The following C2orf49 variants were observed in gnomAD, a reference collection of about 807,000 sequenced individuals.
C2orf49 encodes tRNA splicing ligase complex subunit 2.
A neutral mutation model predicts 20.6 loss-of-function variants in C2orf49; 11 were observed. The ratio of observed to expected loss-of-function variants is 0.53; its 90% CI spans 0.34 to 0.88. The LOEUF (loss-of-function observed/expected upper bound fraction) is 0.88, where lower values mean the gene tolerates loss of function less well. Ranked by LOEUF, C2orf49 falls within the 40% of genes least tolerant of loss-of-function variation. The pLI, the probability that C2orf49 is intolerant of heterozygous loss-of-function variation, is 0.02. For missense variants in C2orf49, 289 were observed against 274.2 expected, an observed-to-expected ratio of 1.05 and a Z score of -0.38; for synonymous variants, 134 against 108.5, an observed-to-expected ratio of 1.24 and a Z score of -1.46.
chr2:105,367,209 A>T, the C2orf49 span, among the ~76,000 whole-genome samples: 1 of 151,822 alleles, frequency 6.6e-6, no homozygotes, highest in African/African-American at 2.4e-5. Context: ...TCTCCCTCTC[A>T]AGTTTGCAGT....
At chr2:105,367,260 A>G in the C2orf49 span, among the ~76,000 whole-genome samples, 1 of 152,202 alleles carries the variant, frequency 6.6e-6, no homozygotes, top group African/African-American at 2.4e-5. Flanking sequence ...TGAACAAGAC[A>G]GCTTTGGGAT....
chr2:105,358,530 G>A, the C2orf49 span: 1 of 152,346 alleles, frequency 6.6e-6, no homozygotes, highest in Admixed American at 6.5e-5. Flanking sequence ...AATAGAGTTT[G>A]TCACATGAAG....
the C2orf49 span, among the ~76,000 whole-genome samples, chr2:105,355,295 T>C: frequency 1.3e-5 from 2 of 152,104 alleles, no homozygotes; most frequent in African/African-American, 4.8e-5. Context: ...GTAGCTAAGA[T>C]TTACATCCCC....
At chr2:105,370,217 A>ACC in the C2orf49 span, among the ~76,000 whole-genome samples, 12 of 151,040 alleles carry the variant, frequency 7.9e-5, no homozygotes, top group Admixed American at 4.6e-4. Context: ...TACCCCCCCA[A>ACC]AAAAAAAATT....
chr2:105,365,674 C>CCA, the C2orf49 span, among the ~76,000 whole-genome samples: 84 of 71,646 alleles, frequency 1.2e-3, 1 homozygote, highest in East Asian at 3.8e-3. Flanking sequence ...GTCTCTACTA[C>CCA]AAAAAAAAAA....
At chr2:105,377,991 C>A in the C2orf49 span, 1 of 461,054 alleles carries the variant, frequency 2.2e-6, no homozygotes, top group African/African-American at 2.0e-5. Context: ...CCTTTTGGGA[C>A]TGACCTTCAA....
chr2:105,360,301 C>CAA, the C2orf49 span: 3,076 of 101,014 alleles, frequency 0.03, 111 homozygotes, highest in African/African-American at 0.081. Context: ...GACTCTGTCT[C>CAA]AAAAAAAAAA....
At chr2:105,350,111 G>A (rs531765563), downstream of C2orf49, among the ~76,000 whole-genome samples, 1 of 152,240 alleles carries the variant, frequency 6.6e-6, no homozygotes, top group South Asian at 2.1e-4. Flanking sequence ...TCTAGCTGCC[G>A]GCTGACTAAA....
At chr2:105,353,333 G>A (rs564490927), downstream of C2orf49, among the ~76,000 whole-genome samples, 1 of 152,274 alleles carries the variant, frequency 6.6e-6, no homozygotes, top group Non-Finnish European at 1.5e-5. Context: ...AACGTAGTGA[G>A]TAAAATGCAT....
chr2:105,363,438 G>C, the C2orf49 span: 2 of 1,611,884 alleles, frequency 1.2e-6, no homozygotes, highest in Non-Finnish European at 8.5e-7. Flanking sequence ...TGCCAGGGCT[G>C]CTCCCGGTAA....
At chr2:105,371,480 C>A in the C2orf49 span, among the ~76,000 whole-genome samples, 1,864 of 151,992 alleles carry the variant, frequency 0.012, 49 homozygotes, top group African/African-American at 0.043. Flanking sequence ...GAGCCTCCAG[C>A]CTGCTGCCCT....
the C2orf49 span, among the ~76,000 whole-genome samples, chr2:105,385,630 C>T: frequency 2.6e-5 from 4 of 152,140 alleles, no homozygotes; most frequent in Non-Finnish European, 4.4e-5. Flanking sequence ...TTTTAGAAGC[C>T]GTTTGCGGGT....
At chr2:105,374,781 A>T in the C2orf49 span, among the ~76,000 whole-genome samples, 4 of 152,232 alleles carry the variant, frequency 2.6e-5, no homozygotes, top group Non-Finnish European at 4.4e-5. Flanking sequence ...CTTTATGCCC[A>T]GCTTTATCTT....
the C2orf49 span, chr2:105,367,797 C>T: frequency 6.5e-7 from 1 of 1,538,048 alleles, no homozygotes; most frequent in Non-Finnish European, 8.8e-7. Context: ...TGTGGAGTCC[C>T]AGCAATCTGC....
chr2:105,371,150 G>A, the C2orf49 span, among the ~76,000 whole-genome samples: 1 of 152,114 alleles, frequency 6.6e-6, no homozygotes, highest in Non-Finnish European at 1.5e-5. Flanking sequence ...AAGGTGTGAT[G>A]GTTAATTTTA....
the C2orf49 span, chr2:105,376,361 T>A: frequency 6.6e-6 from 1 of 152,200 alleles, no homozygotes; most frequent in Admixed American, 6.5e-5. Flanking sequence ...TGTGTTCATT[T>A]AAAAAAATCC....
chr2:105,368,008 G>A, the C2orf49 span, among the ~76,000 whole-genome samples: 163 of 152,298 alleles, frequency 1.1e-3, 2 homozygotes, highest in East Asian at 0.031. Flanking sequence ...CCGTGGTTAG[G>A]AATGTTAAAT....
At chr2:105,354,181 T>C (rs772802789), downstream of C2orf49, among the ~76,000 whole-genome samples, 8 of 152,238 alleles carry the variant, frequency 5.3e-5, no homozygotes, top group Non-Finnish European at 1.2e-4. Flanking sequence ...CTAAGGGCAA[T>C]ATTGAGGGAG....
chr2:105,342,364 G>T (rs762667958), intron 2 of C2orf49, among the ~76,000 whole-genome samples: 1 of 152,182 alleles, frequency 6.6e-6, no homozygotes, highest in African/African-American at 2.4e-5. Context: ...GTCCAGTTAC[G>T]ATTAGTTTAG....
Sources: gnomAD v4.1 joint callset for allele counts (sites outside exome capture counted in the v4.1 genomes callset) on GRCh38, gnomAD v4.1.1 for gene constraint, MANE v1.5 for transcripts, NCBI Gene and HGNC (gene_info 2026-07-23, HGNC 2026-07-21) for gene names.